The following PRKCE variants were observed in gnomAD, a reference collection of about 807,000 sequenced individuals.
The protein encoded by PRKCE is protein kinase C epsilon.
A neutral mutation model predicts 85.4 loss-of-function variants in PRKCE; 16 were observed. The observed-to-expected ratio is 0.19, with a 90% CI of 0.13 to 0.28. The LOEUF is 0.28. PRKCE is among the 10% of genes least tolerant of loss of function. The pLI is 1.00. For missense variants in PRKCE, 573 were observed against 975.2 expected (o/e 0.59, Z 5.49); for synonymous variants, 388 against 371.5 (o/e 1.04, Z -0.51).
intron 13 of PRKCE, 50 bp downstream of exon 13, chr2:46,151,279 CTACA>C (rs777555341): frequency 1.2e-5 from 12 of 1,010,580 alleles, no homozygotes; most frequent in East Asian, 2.7e-5. Context: ...GCTCCTCCCC[CTACA>C]CACACACACA....
chr2:46,120,940 C>T (rs1009625660), intron 11 of PRKCE, among the ~76,000 whole-genome samples: 2 of 152,124 alleles, frequency 1.3e-5, no homozygotes, highest in Admixed American at 6.5e-5. Flanking sequence ...ACAGCTGTTA[C>T]GTTTGTTCAC....
intron 2 of PRKCE, among the ~76,000 whole-genome samples, chr2:45,883,549 C>T (rs1011875696): frequency 1.3e-5 from 2 of 152,234 alleles, no homozygotes; most frequent in East Asian, 1.9e-4. Context: ...AGGTCCCTCC[C>T]TCTTGCTCAT....
intron 11 of PRKCE, among the ~76,000 whole-genome samples, chr2:46,093,305 T>TTC (rs1670356270): frequency 1.3e-5 from 2 of 152,146 alleles, no homozygotes; most frequent in Admixed American, 1.3e-4. Flanking sequence ...CACCCGAGTT[T>TTC]ACACAATGAG....
intron 1 of PRKCE, among the ~76,000 whole-genome samples, chr2:45,701,795 G>A (rs527400382): frequency 6.6e-6 from 1 of 152,148 alleles, no homozygotes; most frequent in South Asian, 2.1e-4. Flanking sequence ...TATTACACAG[G>A]TGTTTTAGAA....
intron 2 of PRKCE, among the ~76,000 whole-genome samples, chr2:45,964,387 A>G (rs903512649): frequency 6.6e-6 from 1 of 152,206 alleles, no homozygotes; most frequent in African/African-American, 2.4e-5. Context: ...CCTGTGATTC[A>G]TCTCAGATCA....
At chr2:45,854,879 C>G (rs1692553851) in intron 2 of PRKCE, among the ~76,000 whole-genome samples, 1 of 152,112 alleles carries the variant, frequency 6.6e-6, no homozygotes, top group African/African-American at 2.4e-5. Flanking sequence ...TTTGGGATGA[C>G]AAGGGTTACA....
intron 1 of PRKCE, among the ~76,000 whole-genome samples, chr2:45,653,830 C>T (rs751236901): frequency 6.6e-6 from 1 of 152,186 alleles, no homozygotes; most frequent in Non-Finnish European, 1.5e-5. Flanking sequence ...AGCAGGCAAA[C>T]CTTTATGGAA....
intron 6 of PRKCE, chr2:46,000,960 T>C (rs1704630849): frequency 6.6e-6 from 1 of 152,204 alleles, no homozygotes. Context: ...AATGGAGTGC[T>C]GCTGACTTCT....
At position 45,652,500 on chromosome 2, in the gene PRKCE, G is replaced by C; in HGVS notation, c.348+52G>C. 1 of 1,479,198 alleles carries C rather than the reference G, an allele frequency of 6.8e-7. No individual in the cohort carries two copies. The allele number at this position is 1,479,198 out of a possible 1,614,324, so 91.6% of individuals were successfully genotyped here. A position where few individuals can be genotyped will look rare whatever the true frequency, so the allele number is the denominator to read the frequency against. ...CGGGAACCCGGTTGTGGGGTCCCGG[G>C]GAAAGACTCGCTGGTCTTGATCGTA... is the stretch of plus-strand genomic sequence containing the variant. On this transcript the variant is annotated intron_variant, in intron 1 of 14. Transcript: ENST00000306156. This position sits in a 1 kb window ranked among gnomAD's most constrained non-coding sequence, Gnocchi z 7.7.
intron 1 of PRKCE, among the ~76,000 whole-genome samples, chr2:45,723,348 T>C (rs1680781458): frequency 6.6e-6 from 1 of 152,090 alleles, no homozygotes; most frequent in African/African-American, 2.4e-5. Context: ...AGGTAGTCAT[T>C]AGAGGGTGCC....
At chr2:45,800,581 G>A (rs184351032) in intron 1 of PRKCE, among the ~76,000 whole-genome samples, 12 of 152,324 alleles carry the variant, frequency 7.9e-5, no homozygotes, top group African/African-American at 2.9e-4. Flanking sequence ...CTCCTAGAAG[G>A]AGTAAGTTCT....
chr2:46,179,370 C>T (rs1574681800), intron 14 of PRKCE, among the ~76,000 whole-genome samples: 2 of 152,068 alleles, frequency 1.3e-5, no homozygotes, highest in South Asian at 4.2e-4. Context: ...CCCAACACCA[C>T]CACAGCCGCT....
chr2:46,152,639 C>A (rs1476115522), intron 13 of PRKCE, among the ~76,000 whole-genome samples: 1 of 151,894 alleles, frequency 6.6e-6, no homozygotes, highest in Admixed American at 6.6e-5. Context: ...ACCTCTGCCT[C>A]TCGGGTTCAA....
At chr2:45,961,100 A>T (rs2595200) in intron 2 of PRKCE, among the ~76,000 whole-genome samples, 117,718 of 152,114 alleles carry the variant, frequency 0.77, 46,180 homozygotes, top group East Asian at 0.97. Context: ...TTACTCACTT[A>T]TACACAGGCC....
At chr2:45,892,571 CTGTT>C (rs1053662079) in intron 2 of PRKCE, among the ~76,000 whole-genome samples, 6 of 152,068 alleles carry the variant, frequency 3.9e-5, no homozygotes, top group African/African-American at 9.7e-5. Context: ...AGTTTGTGCT[CTGTT>C]TGTGTTACAG....
Position 46,155,254 on chromosome 2 carries a change from A to G in PRKCE, c.1920+4025A>G, listed in dbSNP as rs867893778. The stretch of plus-strand genomic sequence containing the variant: ...TAACTAGTTCAATTAAATGATTACA[A>G]CTAGTTCAACTGAGAGCCAAGGAAA... On this transcript the variant is annotated intron_variant, in intron 13 of 14. Coordinates refer to ENST00000306156, the MANE Select transcript of PRKCE (RefSeq NM_005400.3). The surrounding 1 kb of genome is among the most constrained non-coding windows in gnomAD (Gnocchi z 4.7). Among the ~76,000 whole-genome samples the G allele has an allele frequency of 2.0e-5, 3 of 152,216 alleles. No homozygotes were observed. Among genetic ancestry groups the G allele is most frequent in the Admixed American group, 6.5e-5 (1 of 15,290 alleles).
At chr2:45,824,905 G>A (rs1438216653) in intron 1 of PRKCE, among the ~76,000 whole-genome samples, 1 of 152,188 alleles carries the variant, frequency 6.6e-6, no homozygotes. Flanking sequence ...TTTGGTTGAT[G>A]TGGAGGTTTT....
At chr2:45,656,245 T>C (rs1199435285) in intron 1 of PRKCE, among the ~76,000 whole-genome samples, 2 of 152,244 alleles carry the variant, frequency 1.3e-5, no homozygotes, top group African/African-American at 2.4e-5. Flanking sequence ...TAACTTTTCT[T>C]TGTTCACATT....
At chr2:46,108,297 T>G (rs1671930276) in intron 11 of PRKCE, among the ~76,000 whole-genome samples, 1 of 152,246 alleles carries the variant, frequency 6.6e-6, no homozygotes, top group Non-Finnish European at 1.5e-5. Flanking sequence ...TCTCCCAGTC[T>G]GTGGCTTGAC....
Sources: gnomAD v4.1 joint callset for allele counts (sites outside exome capture counted in the v4.1 genomes callset) on GRCh38, gnomAD v4.1.1 for gene constraint, Gnocchi (gnomAD v3.1) non-coding constraint, MANE v1.5 for transcripts, NCBI Gene and HGNC (gene_info 2026-07-23, HGNC 2026-07-21) for gene names.